Variants in KIAA1328 observed in about 807,000 individuals in gnomAD.
KIAA1328 encodes the protein KIAA1328.
Under a neutral mutation model 68.1 loss-of-function variants are expected in KIAA1328, and 52 were observed. That is an observed-to-expected ratio of 0.76 (90% confidence interval 0.61 to 0.96). The LOEUF (loss-of-function observed/expected upper bound fraction) is 0.96, where lower values mean the gene tolerates loss of function less well. Ranked by LOEUF, KIAA1328 falls within the 40% of genes least tolerant of loss-of-function variation. KIAA1328 has a pLI of 0.00. For synonymous variants in KIAA1328, 232 were observed against 239.4 expected, an observed-to-expected ratio of 0.97 and a Z score of 0.28; for missense variants, 641 against 677.6, an observed-to-expected ratio of 0.95 and a Z score of 0.60.
At chr18:37,006,116 G>A (rs1458638653) in intron 6 of KIAA1328, among the ~76,000 whole-genome samples, 2 of 151,714 alleles carry the variant, frequency 1.3e-5, no homozygotes, top group East Asian at 3.9e-4. Flanking sequence ...TGAACACTAG[G>A]CATTATATAT....
chr18:36,881,021 A>G (rs2048312097), intron 4 of KIAA1328, among the ~76,000 whole-genome samples: 1 of 151,996 alleles, frequency 6.6e-6, no homozygotes. Context: ...ATTGGATTAT[A>G]GTTTTTGTTT....
chr18:37,150,537 T>C, intron 7 of KIAA1328, among the ~76,000 whole-genome samples: 1 of 151,478 alleles, frequency 6.6e-6, no homozygotes, highest in East Asian at 1.9e-4. Flanking sequence ...GACAGGCCGG[T>C]CTTCCTCATG....
chr18:37,001,262 GA>G (rs1325561210), intron 6 of KIAA1328, among the ~76,000 whole-genome samples: 1 of 151,936 alleles, frequency 6.6e-6, no homozygotes, highest in African/African-American at 2.4e-5. Flanking sequence ...TGAAAAACTG[GA>G]AAATCTATAG....
intron 7 of KIAA1328, among the ~76,000 whole-genome samples, chr18:37,087,290 G>T (rs2057133593): frequency 6.6e-6 from 1 of 151,922 alleles, no homozygotes; most frequent in Admixed American, 6.6e-5. Context: ...AAACTCCTGG[G>T]CTCAAGTAAT....
chr18:37,043,007 TCTG>T (rs2055318826), intron 6 of KIAA1328, among the ~76,000 whole-genome samples: 1 of 152,188 alleles, frequency 6.6e-6, no homozygotes, highest in Non-Finnish European at 1.5e-5. Flanking sequence ...CTGTTTCCCT[TCTG>T]CTGTTGAGAC....
chr18:36,970,509 T>A (rs1347214344), intron 6 of KIAA1328, among the ~76,000 whole-genome samples: 1 of 63,092 alleles, frequency 1.6e-5, no homozygotes, highest in Non-Finnish European at 5.8e-5. Context: ...AGAGAGGAAG[T>A]CAAATTGTCT....
At chr18:37,177,189 G>A (rs1202663982) in intron 9 of KIAA1328, among the ~76,000 whole-genome samples, 1 of 152,116 alleles carries the variant, frequency 6.6e-6, no homozygotes, top group Admixed American at 6.6e-5. Flanking sequence ...TGATATGTTG[G>A]TGTCTTTTTC....
chr18:37,104,453 TA>T (rs1283612722), intron 7 of KIAA1328, among the ~76,000 whole-genome samples: 3 of 152,056 alleles, frequency 2.0e-5, no homozygotes, highest in South Asian at 4.1e-4. Context: ...ATGTGAGAGC[TA>T]AAAAAAGTTG....
At chr18:37,175,555 T>A (rs1231864827) in intron 9 of KIAA1328, among the ~76,000 whole-genome samples, 1 of 151,988 alleles carries the variant, frequency 6.6e-6, no homozygotes. Flanking sequence ...TAGAAATGCA[T>A]GATGACATCA....
chr18:37,173,708 A>C (rs2059543899), intron 9 of KIAA1328, among the ~76,000 whole-genome samples: 1 of 152,206 alleles, frequency 6.6e-6, no homozygotes, highest in Admixed American at 6.5e-5. Flanking sequence ...ATTGAATATA[A>C]ATGTTAAGAC....
chr18:36,986,273 C>T (rs1340340747), intron 6 of KIAA1328, among the ~76,000 whole-genome samples: 1 of 152,024 alleles, frequency 6.6e-6, no homozygotes, highest in East Asian at 1.9e-4. Context: ...AAAGCAACTA[C>T]TGATACGTTC....
At chr18:37,006,242 G>A (rs974975284) in intron 6 of KIAA1328, among the ~76,000 whole-genome samples, 14 of 152,024 alleles carry the variant, frequency 9.2e-5, no homozygotes, top group Non-Finnish European at 1.9e-4. Context: ...TGGTGAAGAT[G>A]TATAATGTGT....
chr18:36,975,177 T>G (rs1188728452), intron 6 of KIAA1328, among the ~76,000 whole-genome samples: 10 of 100,570 alleles, frequency 9.9e-5, no homozygotes, highest in African/African-American at 3.7e-4. Context: ...CAAGCTACAA[T>G]TTTTTTTTTT....
chr18:36,848,668 T>C (rs915996133), intron 4 of KIAA1328, among the ~76,000 whole-genome samples: 3 of 150,508 alleles, frequency 2.0e-5, no homozygotes, highest in African/African-American at 4.9e-5. Flanking sequence ...TTCACCATTA[T>C]GTACAATGTA....
intron 7 of KIAA1328, among the ~76,000 whole-genome samples, chr18:37,070,908 A>G (rs773041890): frequency 2.0e-5 from 3 of 151,896 alleles, no homozygotes; most frequent in Non-Finnish European, 4.4e-5. Context: ...GGTTTTCAAG[A>G]TGTGTGTTCT....
At chr18:36,918,862 T>C (rs561389047) in intron 5 of KIAA1328, among the ~76,000 whole-genome samples, 3 of 152,228 alleles carry the variant, frequency 2.0e-5, no homozygotes, top group Non-Finnish European at 4.4e-5. Context: ...TGATATGAGT[T>C]ATTCTGAAGT....
At chr18:37,061,148 A>T (rs1420407790) in intron 6 of KIAA1328, among the ~76,000 whole-genome samples, 5 of 152,232 alleles carry the variant, frequency 3.3e-5, no homozygotes, top group Non-Finnish European at 7.3e-5. Flanking sequence ...CTACGCAGTG[A>T]TAAAAAGGAT....
At chr18:37,214,747 G>A (rs1488393291) in intron 9 of KIAA1328, among the ~76,000 whole-genome samples, 1 of 152,128 alleles carries the variant, frequency 6.6e-6, no homozygotes, top group Non-Finnish European at 1.5e-5. Flanking sequence ...GGGCAGTATG[G>A]CCATTTTCAC....
intron 7 of KIAA1328, among the ~76,000 whole-genome samples, chr18:37,077,863 T>A (rs2056800627): frequency 6.6e-6 from 1 of 151,884 alleles, no homozygotes; most frequent in South Asian, 2.1e-4. Context: ...TCCATGCTCA[T>A]GGGTAGGAAG....
Sources: gnomAD v4.1 joint callset for allele counts (sites outside exome capture counted in the v4.1 genomes callset) on GRCh38, gnomAD v4.1.1 for gene constraint, MANE v1.5 for transcripts, NCBI Gene and HGNC (gene_info 2026-07-23, HGNC 2026-07-21) for gene names.